The following MRTFB variants were observed in gnomAD, a reference collection of about 807,000 sequenced individuals.
MRTFB encodes myocardin related transcription factor B, also known as myocardin-related transcription factor B.
MRTFB carries 29 observed loss-of-function variants against 104.2 expected under a neutral mutation model. The ratio of observed to expected loss-of-function variants is 0.28; its 90% CI spans 0.21 to 0.38. The LOEUF (loss-of-function observed/expected upper bound fraction) is 0.38, where lower values mean the gene tolerates loss of function less well. Ranked by LOEUF, MRTFB falls within the 10% of genes least tolerant of loss-of-function variation. The pLI is 1.00. For synonymous variants in MRTFB, 535 were observed against 519.5 expected, an observed-to-expected ratio of 1.03 and a Z score of -0.41; for missense variants, 1,270 against 1,341.6, an observed-to-expected ratio of 0.95 and a Z score of 0.83.
At chr16:14,031,119 C>T in the MRTFB span, among the ~76,000 whole-genome samples, 21 of 152,164 alleles carry the variant, frequency 1.4e-4, no homozygotes, top group African/African-American at 4.3e-4. Context: ...GGACCAGGTG[C>T]GATAGCTCAT....
At chr16:14,024,590 C>A in the MRTFB span, among the ~76,000 whole-genome samples, 1 of 152,132 alleles carries the variant, frequency 6.6e-6, no homozygotes, top group East Asian at 1.9e-4. Flanking sequence ...GGCAATTAGA[C>A]CCAAGACATC....
chr16:14,092,960 AAAAAT>A (rs2035167238), intron 2 of MRTFB: 1 of 152,242 alleles, frequency 6.6e-6, no homozygotes, highest in Non-Finnish European at 1.5e-5. Flanking sequence ...TCTTTTATAT[AAAAAT>A]AAAATGAATT....
intron 16 of MRTFB, among the ~76,000 whole-genome samples, chr16:14,259,939 T>G (rs2043694409): frequency 6.6e-6 from 1 of 152,242 alleles, no homozygotes; most frequent in Admixed American, 6.5e-5. Flanking sequence ...CTCAGCCATT[T>G]GCACATAGCA....
chr16:14,121,760 C>G (rs767270951), intron 2 of MRTFB, among the ~76,000 whole-genome samples: 2 of 152,110 alleles, frequency 1.3e-5, no homozygotes, highest in Non-Finnish European at 2.9e-5. Context: ...GAATAGCACT[C>G]CCCCATAGAG....
At chr16:14,089,168 A>G (rs2034900041) in intron 2 of MRTFB, among the ~76,000 whole-genome samples, 1 of 152,236 alleles carries the variant, frequency 6.6e-6, no homozygotes, top group African/African-American at 2.4e-5. Flanking sequence ...TATAATTCAT[A>G]TACCATAAAG....
At chr16:14,123,679 T>C (rs1366334379) in intron 2 of MRTFB, among the ~76,000 whole-genome samples, 1 of 152,216 alleles carries the variant, frequency 6.6e-6, no homozygotes, top group East Asian at 1.9e-4. Context: ...AGCCCTGTCA[T>C]ATAGTTTGAA....
chr16:14,091,750 T>G (rs1317848187), intron 2 of MRTFB, among the ~76,000 whole-genome samples: 1 of 151,916 alleles, frequency 6.6e-6, no homozygotes, highest in Non-Finnish European at 1.5e-5. Context: ...ATCCCAGCAC[T>G]TTGGGAGGCC....
chr16:14,131,005 ACAATT>A (rs2037412900), intron 2 of MRTFB, among the ~76,000 whole-genome samples: 1 of 152,204 alleles, frequency 6.6e-6, no homozygotes, highest in South Asian at 2.1e-4. Context: ...TATGGGAACT[ACAATT>A]CAAGGTGAGA....
the MRTFB span, among the ~76,000 whole-genome samples, chr16:14,026,013 A>C: frequency 6.6e-6 from 1 of 152,240 alleles, no homozygotes; most frequent in African/African-American, 2.4e-5. Context: ...TTCATGGACT[A>C]GAAGATTCAA....
chr16:14,158,648 G>C (rs2038917388), intron 3 of MRTFB, among the ~76,000 whole-genome samples: 1 of 152,012 alleles, frequency 6.6e-6, no homozygotes, highest in Non-Finnish European at 1.5e-5. Context: ...AATGAATATG[G>C]CTATAAAAGG....
At chr16:14,186,707 C>T (rs1243571691) in intron 3 of MRTFB, 14 of 1,385,012 alleles carry the variant, frequency 1.0e-5, no homozygotes, top group Middle Eastern at 2.6e-4. Flanking sequence ...GGGCTTCCAG[C>T]GGCATGAGTG....
At chr16:14,224,273 G>A (rs956819949) in intron 8 of MRTFB, among the ~76,000 whole-genome samples, 1 of 150,510 alleles carries the variant, frequency 6.6e-6, no homozygotes, top group African/African-American at 2.5e-5. Flanking sequence ...AATTATATCA[G>A]CATTGTTTGA....
At chr16:14,230,846 A>C (rs564844121) in intron 8 of MRTFB, among the ~76,000 whole-genome samples, 14,648 of 149,256 alleles carry the variant, frequency 0.098, 1,555 homozygotes, top group African/African-American at 0.27. Context: ...ATGTTTATTG[A>C]GGCACTATTC....
At chr16:14,223,554 T>C (rs896276772) in intron 8 of MRTFB, among the ~76,000 whole-genome samples, 1 of 152,104 alleles carries the variant, frequency 6.6e-6, no homozygotes, top group Non-Finnish European at 1.5e-5. Context: ...AAACAAATTA[T>C]GTAATTGAAG....
At chr16:14,150,379 GT>G (rs1209450149) in intron 3 of MRTFB, among the ~76,000 whole-genome samples, 3 of 152,122 alleles carry the variant, frequency 2.0e-5, no homozygotes. Context: ...ACTGACCCCC[GT>G]GCAGTAAAAA....
intron 9 of MRTFB, among the ~76,000 whole-genome samples, chr16:14,236,454 A>T (rs941524000): frequency 6.6e-6 from 1 of 152,220 alleles, no homozygotes; most frequent in Non-Finnish European, 1.5e-5. Flanking sequence ...GGAACAAAAG[A>T]TCACAAATCC....
chr16:14,058,567 T>C, the MRTFB span, among the ~76,000 whole-genome samples: 1 of 152,138 alleles, frequency 6.6e-6, no homozygotes, highest in Non-Finnish European at 1.5e-5. Context: ...TGAAATATGG[T>C]GCTTGTAGCT....
intron 3 of MRTFB, among the ~76,000 whole-genome samples, chr16:14,178,344 T>C (rs1567418556): frequency 6.6e-6 from 1 of 152,026 alleles, no homozygotes; most frequent in Non-Finnish European, 1.5e-5. Context: ...TTGAGGAAAA[T>C]GAAAATGCTT....
At chr16:14,172,177 A>G (rs1016934997) in intron 3 of MRTFB, among the ~76,000 whole-genome samples, 4 of 152,094 alleles carry the variant, frequency 2.6e-5, no homozygotes, top group African/African-American at 9.7e-5. Context: ...TCCCCACCCA[A>G]TGAAGGTAAT....
Sources: gnomAD v4.1 joint callset for allele counts (sites outside exome capture counted in the v4.1 genomes callset) on GRCh38, gnomAD v4.1.1 for gene constraint, MANE v1.5 for transcripts, NCBI Gene and HGNC (gene_info 2026-07-23, HGNC 2026-07-21) for gene names.